Variants in PON3 observed in about 807,000 individuals in gnomAD.
PON3 encodes paraoxonase 3, also known as serum paraoxonase/lactonase 3.
PON3 carries 37 observed loss-of-function variants against 36.3 expected under a neutral mutation model. The observed-to-expected ratio is 1.02, with a 90% CI of 0.78 to 1.34. PON3 has a LOEUF of 1.34. Ranked by LOEUF, PON3 falls within the 40% of genes most tolerant of loss-of-function variation. The probability of loss-of-function intolerance (pLI) is 0.00; values close to 1 mark genes in which losing one functional copy is unlikely to be tolerated. For synonymous variants in PON3, 155 were observed against 154.8 expected, an observed-to-expected ratio of 1.00 and a Z score of -0.01; for missense variants, 415 against 426.5, an observed-to-expected ratio of 0.97 and a Z score of 0.24.
At chr7:95,386,097 C>A (rs1233743854) in intron 3 of PON3, among the ~76,000 whole-genome samples, 1 of 152,052 alleles carries the variant, frequency 6.6e-6, no homozygotes, top group Non-Finnish European at 1.5e-5. Flanking sequence ...CAAACAAATT[C>A]AAAAGCTACC....
intron 4 of PON3, among the ~76,000 whole-genome samples, chr7:95,369,915 A>G (rs979662971): frequency 6.6e-6 from 1 of 152,234 alleles, no homozygotes; most frequent in Non-Finnish European, 1.5e-5. Flanking sequence ...TGAGTCTTCA[A>G]TGATGACAAA....
intron 5 of PON3, among the ~76,000 whole-genome samples, chr7:95,366,409 T>C (rs1337882840): frequency 1.3e-5 from 2 of 152,190 alleles, no homozygotes. Context: ...CAACTTCTCT[T>C]ACTTCTATGC....
chr7:95,387,671 C>T (rs936974732), intron 3 of PON3, among the ~76,000 whole-genome samples: 1 of 152,110 alleles, frequency 6.6e-6, no homozygotes, highest in Non-Finnish European at 1.5e-5. Flanking sequence ...CCCGCATAGC[C>T]AAGACAATTC....
intron 4 of PON3, among the ~76,000 whole-genome samples, chr7:95,369,794 C>T (rs187910533): frequency 6.6e-6 from 1 of 151,978 alleles, no homozygotes; most frequent in African/African-American, 2.4e-5. Context: ...AAATTAGTTA[C>T]CACCGTAATG....
chr7:95,375,304 A>T lies in PON3; in HGVS notation c.202-2966T>A, dbSNP rs576276601. Among the ~76,000 whole-genome samples, 375 of 150,626 alleles carry T rather than the reference A, an allele frequency of 2.5e-3. 3 individuals are homozygous for T. The highest frequency in any genetic ancestry group is 8.7e-3 in the African/African-American group (357 of 41,170). ...TATGTACGTATATATGTATATGTAT[A>T]CATATATATGTATGTGTGTGTATAT... On this transcript the variant is annotated intron_variant, in intron 3 of 8. Transcript: ENST00000265627.
chr7:95,367,294 C>T, intron 5 of PON3, 68 bp downstream of exon 5: 3 of 1,585,832 alleles, frequency 1.9e-6, no homozygotes, highest in Non-Finnish European at 8.6e-7. Context: ...GCCTGCTGAA[C>T]CAAAAAATAC....
intron 3 of PON3, among the ~76,000 whole-genome samples, chr7:95,383,903 C>T (rs1007181836): frequency 1.3e-5 from 2 of 152,140 alleles, no homozygotes; most frequent in Non-Finnish European, 2.9e-5. Flanking sequence ...CAAGTCAACC[C>T]TAAGCTAAGA....
chr7:95,371,760 T>C (rs930469478), intron 4 of PON3, among the ~76,000 whole-genome samples: 1 of 152,196 alleles, frequency 6.6e-6, no homozygotes, highest in African/African-American at 2.4e-5. Flanking sequence ...ACTTTCTTGA[T>C]GGTGTCTTTT....
intron 3 of PON3, among the ~76,000 whole-genome samples, chr7:95,374,905 T>A (rs1213902465): frequency 2.6e-5 from 4 of 152,136 alleles, no homozygotes; most frequent in Non-Finnish European, 4.4e-5. Context: ...CTATACTCTT[T>A]CCTTGCAGAT....
intron 3 of PON3, among the ~76,000 whole-genome samples, chr7:95,382,302 C>A (rs1164606234): frequency 5.9e-5 from 9 of 152,066 alleles, no homozygotes; most frequent in African/African-American, 2.2e-4. Flanking sequence ...ACTACAGAAT[C>A]CAGAGCAAAC....
chr7:95,363,997 G>C lies in PON3; in HGVS notation c.561C>G (p.Asn187Lys). 1 of 1,613,900 alleles carries C rather than the reference G, an allele frequency of 6.2e-7. No homozygotes were observed. Among genetic ancestry groups the C allele is most frequent in the Non-Finnish European group, 8.5e-7 (1 of 1,179,790 alleles). Residue 187 changes from asparagine to lysine, a missense_variant, in exon 6 of 9, where the codon AAC becomes AAG. Asn to Lys is a moderately conservative substitution (Grantham distance 94). Coordinates refer to ENST00000265627, the MANE Select transcript of PON3 (RefSeq NM_000940.3). ...TCATCTCAAAAAATGACAGGAGGGA[G>C]TTGGTAAAATAGTGGTCTCTGGTGG... ...FYATRDHYFTNSLLSFFEMIL... is the reference protein window; with the variant it reads ...FYATRDHYFTKSLLSFFEMIL...
At chr7:95,391,375 A>G (rs1286969139) in intron 2 of PON3, among the ~76,000 whole-genome samples, 4 of 152,216 alleles carry the variant, frequency 2.6e-5, no homozygotes, top group African/African-American at 9.6e-5. Flanking sequence ...TGAAGTATTC[A>G]TATTTCAAGT....
At chr7:95,374,246 T>C (rs1054062354) in intron 3 of PON3, among the ~76,000 whole-genome samples, 8 of 152,196 alleles carry the variant, frequency 5.3e-5, no homozygotes, top group Non-Finnish European at 4.4e-5. Context: ...TGTCATGTCA[T>C]TTAACATGAA....
intron 3 of PON3, among the ~76,000 whole-genome samples, chr7:95,377,915 G>A (rs1808956311): frequency 6.6e-6 from 1 of 152,162 alleles, no homozygotes; most frequent in Non-Finnish European, 1.5e-5. Flanking sequence ...AGTTTGACAA[G>A]TTGACAGAAG....
At chr7:95,369,522 C>T (rs1808763936) in intron 4 of PON3, among the ~76,000 whole-genome samples, 1 of 152,102 alleles carries the variant, frequency 6.6e-6, no homozygotes, top group South Asian at 2.1e-4. Flanking sequence ...CACCTGTAAT[C>T]CTAACACTTT....
In PON3 at chr7:95,362,877, GTAA is replaced by G. The variant is rs111720312; in HGVS notation, c.696-39_696-37del. On this transcript the variant is annotated intron_variant, in intron 6 of 8. Coordinates refer to ENST00000265627, the MANE Select transcript of PON3 (RefSeq NM_000940.3). Reference sequence around the variant, plus strand: ...AATGACATTTACACTTAAGCAAGTGGTAATGAGAGACAACACTCACTTTTATTT... The same window carrying G: ...AATGACATTTACACTTAAGCAAGTGGTGAGAGACAACACTCACTTTTATTT... The G allele has an allele frequency of 1.0e-4, 145 of 1,441,416 alleles. No individual in the cohort carries two copies. The African/African-American group carries it at 1.6e-3, about 16-fold the overall frequency. The allele number at this position is 1,441,416 out of a possible 1,614,324, so 89.3% of individuals were successfully genotyped here.
At chr7:95,361,712 ATC>A (rs1764938995) in intron 8 of PON3, among the ~76,000 whole-genome samples, 1 of 152,186 alleles carries the variant, frequency 6.6e-6, no homozygotes, top group African/African-American at 2.4e-5. Context: ...TTGTGAATAA[ATC>A]TCTGAGTATG....
chr7:95,386,491 T>C (rs935284024), intron 3 of PON3, among the ~76,000 whole-genome samples: 1 of 152,162 alleles, frequency 6.6e-6, no homozygotes, highest in Non-Finnish European at 1.5e-5. Flanking sequence ...CAATAATTAA[T>C]AGCCTACCAA....
chr7:95,385,583 C>T (rs1346429563), intron 3 of PON3, among the ~76,000 whole-genome samples: 1 of 152,106 alleles, frequency 6.6e-6, no homozygotes, highest in Admixed American at 6.6e-5. Context: ...TAGACATACA[C>T]AGAACTCTTC....
Sources: gnomAD v4.1 joint callset for allele counts (sites outside exome capture counted in the v4.1 genomes callset) on GRCh38, gnomAD v4.1.1 for gene constraint, MANE v1.5 for transcripts, NCBI Gene and HGNC (gene_info 2026-07-23, HGNC 2026-07-21) for gene names.